The following JMJD1C variants were observed in gnomAD, a reference collection of about 807,000 sequenced individuals.
JMJD1C encodes the protein jumonji domain containing 1C.
In JMJD1C, 31 loss-of-function variants were observed where a neutral mutation model predicts 245.3. The ratio of observed to expected loss-of-function variants is 0.13; its 90% CI spans 0.09 to 0.17. JMJD1C has a LOEUF of 0.17. Among genes scored for constraint, JMJD1C ranks in the 10% least tolerant of loss-of-function variants. The pLI is 1.00. For synonymous variants in JMJD1C, 1,057 were observed against 1,017.4 expected, an observed-to-expected ratio of 1.04 and a Z score of -0.74; for missense variants, 2,691 against 3,000.2, an observed-to-expected ratio of 0.90 and a Z score of 2.41.
chr10:63,268,859 G>C (rs1473766220), intron 2 of JMJD1C: 1 of 985,702 alleles, frequency 1.0e-6, no homozygotes, highest in Non-Finnish European at 1.2e-6. Flanking sequence ...CGGCGTCATT[G>C]TATAGGAAGA....
intron 3 of JMJD1C, among the ~76,000 whole-genome samples, chr10:63,231,739 C>A (rs1427540168): frequency 6.6e-6 from 1 of 151,986 alleles, no homozygotes; most frequent in Non-Finnish European, 1.5e-5. Flanking sequence ...GGTTGTGGTG[C>A]ACCAATATTG....
intron 2 of JMJD1C, among the ~76,000 whole-genome samples, chr10:63,314,369 G>A (rs1416611222): frequency 2.0e-5 from 3 of 152,200 alleles, no homozygotes; most frequent in African/African-American, 7.2e-5. Context: ...AGACCAGACT[G>A]GGCAAAATGA....
At chr10:63,441,355 T>A (rs1307032099) in intron 1 of JMJD1C, among the ~76,000 whole-genome samples, 3 of 152,202 alleles carry the variant, frequency 2.0e-5, no homozygotes, top group Non-Finnish European at 2.9e-5. Context: ...ATAATATGCA[T>A]GAGCTGGAGA....
At chr10:63,348,450 T>G (rs76306386) in intron 2 of JMJD1C, among the ~76,000 whole-genome samples, 2,176 of 152,236 alleles carry the variant, frequency 0.014, 34 homozygotes, top group Non-Finnish European at 0.02. Flanking sequence ...CTACAAATAG[T>G]TTACTTGGTT....
chr10:63,448,026 T>C (rs1951816507), intron 1 of JMJD1C, among the ~76,000 whole-genome samples: 4 of 152,162 alleles, frequency 2.6e-5, no homozygotes, highest in African/African-American at 9.7e-5. Flanking sequence ...AGGTTATTGC[T>C]TTTGTCCTAT....
At chr10:63,311,379 A>C (rs1446457639) in intron 2 of JMJD1C, among the ~76,000 whole-genome samples, 1 of 152,132 alleles carries the variant, frequency 6.6e-6, no homozygotes, top group African/African-American at 2.4e-5. Flanking sequence ...ACTCTGTCTC[A>C]AAAAATAAAC....
chr10:63,361,007 C>G (rs1945279239), intron 2 of JMJD1C, among the ~76,000 whole-genome samples: 1 of 152,142 alleles, frequency 6.6e-6, no homozygotes, highest in Non-Finnish European at 1.5e-5. Flanking sequence ...TTCGTCATTA[C>G]AAATGAACAG....
chr10:63,484,252 A>G (rs60147583), intron 1 of JMJD1C, among the ~76,000 whole-genome samples: 1,217 of 20,834 alleles, frequency 0.058, 5 homozygotes, highest in East Asian at 0.15. Context: ...ATAGATAGAT[A>G]GATAGATAGA....
chr10:63,314,378 G>A (rs1939649727), intron 2 of JMJD1C, among the ~76,000 whole-genome samples: 2 of 152,182 alleles, frequency 1.3e-5, no homozygotes, highest in Admixed American at 1.3e-4. Context: ...TGGGCAAAAT[G>A]AAGAAACTCC....
chr10:63,247,719 C>A (rs1260524394), intron 3 of JMJD1C, among the ~76,000 whole-genome samples: 279 of 105,414 alleles, frequency 2.6e-3, no homozygotes, highest in East Asian at 5.3e-3. Flanking sequence ...GTGACAGAGC[C>A]AAAAAAAAAA....
chr10:63,395,841 C>G (rs908430462), intron 1 of JMJD1C, among the ~76,000 whole-genome samples: 2 of 152,028 alleles, frequency 1.3e-5, no homozygotes, highest in African/African-American at 4.8e-5. Flanking sequence ...AAGCCTGACT[C>G]AACTCTATAC....
chr10:63,188,148 T>A (rs976498899), intron 18 of JMJD1C, among the ~76,000 whole-genome samples: 1 of 152,226 alleles, frequency 6.6e-6, no homozygotes, highest in South Asian at 2.1e-4. Flanking sequence ...TGGGTTCTCA[T>A]AGCACCTTGA....
intron 2 of JMJD1C, among the ~76,000 whole-genome samples, chr10:63,356,258 G>A (rs750642554): frequency 4.6e-5 from 7 of 151,968 alleles, no homozygotes; most frequent in African/African-American, 9.7e-5. Context: ...CAAACACAAC[G>A]TTATGTCTGA....
At position 63,306,873 on chromosome 10, in the gene JMJD1C, A is replaced by C. The variant is rs192715742; in HGVS notation, c.334-42109T>G. On this transcript the variant is annotated intron_variant, in intron 2 of 25. Coordinates refer to ENST00000399262, the MANE Select transcript of JMJD1C (RefSeq NM_032776.3). ...AAACAAAAATATTTATAACATGTTT[A>C]TAAGGACCAGTATTAAGTCTGGTCA... is the stretch of plus-strand genomic sequence containing the variant. Among the ~76,000 whole-genome samples, 23 of 152,338 alleles carry C rather than the reference A, an allele frequency of 1.5e-4. No homozygotes were observed. The East Asian group carries it at 4.2e-3, about 28-fold the overall frequency.
At chr10:63,241,790 T>C (rs987926474) in intron 3 of JMJD1C, among the ~76,000 whole-genome samples, 4 of 152,150 alleles carry the variant, frequency 2.6e-5, no homozygotes, top group African/African-American at 9.7e-5. Context: ...GAAGGTAAGT[T>C]ATAGGAGGCA....
chr10:63,505,149 A>T (rs1408850588), intron 1 of JMJD1C, among the ~76,000 whole-genome samples: 1 of 152,066 alleles, frequency 6.6e-6, no homozygotes, highest in East Asian at 1.9e-4. Context: ...CGTCTCTATT[A>T]AAAATATTTT....
intron 21 of JMJD1C, among the ~76,000 whole-genome samples, chr10:63,183,833 G>T (rs890158923): frequency 6.6e-6 from 1 of 152,222 alleles, no homozygotes; most frequent in Non-Finnish European, 1.5e-5. Context: ...TATATTGGCT[G>T]TTAATTCCTA....
intron 3 of JMJD1C, among the ~76,000 whole-genome samples, chr10:63,243,424 G>A (rs1851776736): frequency 2.6e-5 from 4 of 151,980 alleles, no homozygotes; most frequent in Admixed American, 2.6e-4. Flanking sequence ...TACTTGGGAG[G>A]CTGAGGCAGA....
chr10:63,250,110 AC>A (rs1317452523), intron 3 of JMJD1C, among the ~76,000 whole-genome samples: 1 of 152,022 alleles, frequency 6.6e-6, no homozygotes, highest in African/African-American at 2.4e-5. Flanking sequence ...CTCCTGGGGC[AC>A]AAGTGATCCT....
Sources: allele counts gnomAD v4.1 joint callset (sites outside exome capture counted in the v4.1 genomes callset), GRCh38; gene constraint gnomAD v4.1.1; transcripts MANE v1.5; gene names NCBI Gene and HGNC (gene_info 2026-07-23, HGNC 2026-07-21).